The following PKIB variants were observed in gnomAD, a reference collection of about 807,000 sequenced individuals.
PKIB encodes cAMP-dependent protein kinase inhibitor beta, also known as PKI-beta.
Under a neutral mutation model 4.5 loss-of-function variants are expected in PKIB, and 2 were observed. The observed-to-expected ratio is 0.44, with a 90% CI of 0.18 to 1.39. The LOEUF (loss-of-function observed/expected upper bound fraction) is 1.39. PKIB is among the 40% of genes most tolerant of loss of function. PKIB has a pLI of 0.27. For synonymous variants in PKIB, 38 were observed against 36.0 expected, an observed-to-expected ratio of 1.06 and a Z score of -0.20; for missense variants, 94 against 92.6, an observed-to-expected ratio of 1.02 and a Z score of -0.06.
At chr6:122,484,026 G>A (rs1257605399) in intron 2 of PKIB, 1 of 152,176 alleles carries the variant, frequency 6.6e-6, no homozygotes, top group Non-Finnish European at 1.5e-5. Context: ...TGAGGGCAGA[G>A]GCCAGATTAA....
chr6:122,501,929 C>CTT (rs59519477), intron 2 of PKIB, among the ~76,000 whole-genome samples: 1,812 of 124,572 alleles, frequency 0.015, 13 homozygotes, highest in Non-Finnish European at 0.023. Context: ...AGCCAGGCCA[C>CTT]TTTTTTTTTT....
At chr6:122,489,969 C>A (rs1474231087) in intron 2 of PKIB, among the ~76,000 whole-genome samples, 2 of 152,168 alleles carry the variant, frequency 1.3e-5, no homozygotes, top group African/African-American at 2.4e-5. Flanking sequence ...GTTTTCACTG[C>A]CCTTTCTGTG....
intron 3 of PKIB, among the ~76,000 whole-genome samples, chr6:122,705,847 AG>A (rs1312630832): frequency 6.6e-6 from 1 of 152,126 alleles, no homozygotes; most frequent in African/African-American, 2.4e-5. Context: ...TTACGGCATG[AG>A]CCACTGCGCC....
chr6:122,587,712 C>G (rs539585061), intron 3 of PKIB, among the ~76,000 whole-genome samples: 2 of 152,052 alleles, frequency 1.3e-5, no homozygotes, highest in African/African-American at 2.4e-5. Flanking sequence ...TTTTAATGAT[C>G]GCCATTCTAA....
At chr6:122,672,653 A>T (rs2114949455) in intron 2 of PKIB, among the ~76,000 whole-genome samples, 1 of 152,208 alleles carries the variant, frequency 6.6e-6, no homozygotes, top group Admixed American at 6.5e-5. Context: ...AGGATCATGA[A>T]AAAATATTAG....
intron 2 of PKIB, among the ~76,000 whole-genome samples, chr6:122,499,594 G>A (rs1776165168): frequency 6.6e-6 from 1 of 152,104 alleles, no homozygotes; most frequent in Admixed American, 6.6e-5. Flanking sequence ...AGAAACCACA[G>A]CCAACATCAT....
intron 2 of PKIB, chr6:122,478,823 G>GT (rs1222525637): frequency 6.6e-6 from 1 of 152,216 alleles, no homozygotes; most frequent in Admixed American, 6.5e-5. Context: ...AGCCAGCTCA[G>GT]TGTCTGCCCA....
chr6:122,720,100 G>C (rs1779678637), intron 4 of PKIB, among the ~76,000 whole-genome samples: 1 of 152,084 alleles, frequency 6.6e-6, no homozygotes, highest in Non-Finnish European at 1.5e-5. Flanking sequence ...CAGATGTTAT[G>C]GTTTCAATAA....
chr6:122,556,770 G>A (rs190736532), intron 2 of PKIB, among the ~76,000 whole-genome samples: 108 of 152,228 alleles, frequency 7.1e-4, no homozygotes, highest in African/African-American at 2.5e-3. Context: ...GCTTGCTACT[G>A]GACAAGCCAC....
intron 3 of PKIB, among the ~76,000 whole-genome samples, chr6:122,682,437 TAA>T (rs1372474384): frequency 6.6e-6 from 1 of 152,138 alleles, no homozygotes; most frequent in Non-Finnish European, 1.5e-5. Context: ...GATTATTTTA[TAA>T]AAAATAATTT....
At chr6:122,582,555 T>C (rs1480826630) in intron 2 of PKIB, among the ~76,000 whole-genome samples, 1 of 152,074 alleles carries the variant, frequency 6.6e-6, no homozygotes, top group Non-Finnish European at 1.5e-5. Flanking sequence ...CTCAAAGAGG[T>C]TGAGCTAGAA....
At chr6:122,536,219 C>T (rs746664104) in intron 2 of PKIB, among the ~76,000 whole-genome samples, 4 of 152,176 alleles carry the variant, frequency 2.6e-5, no homozygotes, top group South Asian at 2.1e-4. Flanking sequence ...AGATTACAGG[C>T]GTGAGCACTG....
chr6:122,656,724 A>G (rs1776789838), intron 2 of PKIB, among the ~76,000 whole-genome samples: 1 of 152,192 alleles, frequency 6.6e-6, no homozygotes, highest in South Asian at 2.1e-4. Flanking sequence ...TTCTGAAATT[A>G]TGGATGTAGT....
intron 2 of PKIB, among the ~76,000 whole-genome samples, chr6:122,645,149 A>G (rs1322219609): frequency 1.3e-5 from 2 of 152,234 alleles, no homozygotes; most frequent in African/African-American, 4.8e-5. Flanking sequence ...AGGTTGGTAC[A>G]TGACTTCTAT....
At chr6:122,581,710 G>T (rs1358609207) in intron 2 of PKIB, 1 of 151,822 alleles carries the variant, frequency 6.6e-6, no homozygotes, top group East Asian at 1.9e-4. Flanking sequence ...TGCATTTATT[G>T]TATTTTTTTT....
intron 1 of PKIB, among the ~76,000 whole-genome samples, chr6:122,623,030 A>G (rs1335065730): frequency 6.6e-6 from 1 of 152,194 alleles, no homozygotes; most frequent in Non-Finnish European, 1.5e-5. Flanking sequence ...GTAACTTTCC[A>G]ATTAGCACTA....
intron 1 of PKIB, 147 bp from the exon 2 acceptor site, chr6:122,633,136 G>T (rs559819036): frequency 1.3e-5 from 2 of 152,282 alleles, no homozygotes; most frequent in South Asian, 4.1e-4. Flanking sequence ...GAATAAAAAA[G>T]ACAATGAATG....
intron 2 of PKIB, among the ~76,000 whole-genome samples, chr6:122,502,357 G>A (rs767590704): frequency 2.6e-5 from 4 of 151,832 alleles, no homozygotes; most frequent in Non-Finnish European, 4.4e-5. Flanking sequence ...CCACTATAAA[G>A]ACATACCTGA....
intron 1 of PKIB, among the ~76,000 whole-genome samples, chr6:122,632,212 G>A (rs1019148438): frequency 2.0e-5 from 3 of 152,120 alleles, no homozygotes; most frequent in East Asian, 1.9e-4. Flanking sequence ...GAAAGGAATA[G>A]GGAAGAGAAG....
Sources: gnomAD v4.1 joint callset for allele counts (sites outside exome capture counted in the v4.1 genomes callset) on GRCh38, gnomAD v4.1.1 for gene constraint, MANE v1.5 for transcripts, NCBI Gene and HGNC (gene_info 2026-07-23, HGNC 2026-07-21) for gene names.